Variants in UNC5C observed in about 807,000 individuals in gnomAD.
UNC5C encodes netrin receptor UNC5C.
In UNC5C, 47 loss-of-function variants were observed where a neutral mutation model predicts 99.8. The ratio of observed to expected loss-of-function variants is 0.47; its 90% confidence interval spans 0.37 to 0.60. The LOEUF is 0.60. UNC5C is among the 20% of genes least tolerant of loss of function. UNC5C has a pLI of 0.00. For synonymous variants in UNC5C, 487 were observed against 452.2 expected (o/e 1.08, Z -0.98); for missense variants, 1,062 against 1,165.9 (o/e 0.91, Z 1.30).
intron 14 of UNC5C, among the ~76,000 whole-genome samples, chr4:95,178,435 G>A (rs1179555740): frequency 6.8e-6 from 1 of 148,000 alleles, no homozygotes; most frequent in African/African-American, 2.5e-5. Flanking sequence ...GTATTTGTAG[G>A]TTACTGCCTT....
At chr4:95,201,704 C>T (rs931167780) in intron 12 of UNC5C, among the ~76,000 whole-genome samples, 6 of 151,838 alleles carry the variant, frequency 4.0e-5, no homozygotes, top group African/African-American at 7.3e-5. Flanking sequence ...CCCCAGTTCA[C>T]GCCATTCTCC....
intron 7 of UNC5C, among the ~76,000 whole-genome samples, chr4:95,224,741 A>C (rs1178779367): frequency 6.6e-6 from 1 of 152,218 alleles, no homozygotes; most frequent in African/African-American, 2.4e-5. Flanking sequence ...AAGCAAGTAA[A>C]CAAAATAATA....
At chr4:95,458,300 C>T (rs548727724) in intron 1 of UNC5C, among the ~76,000 whole-genome samples, 2 of 151,852 alleles carry the variant, frequency 1.3e-5, no homozygotes, top group African/African-American at 4.8e-5. Context: ...GAGATAAAAA[C>T]AGGGTTTGGA....
intron 7 of UNC5C, among the ~76,000 whole-genome samples, chr4:95,234,560 TA>T (rs1227557059): frequency 6.6e-6 from 1 of 152,194 alleles, no homozygotes; most frequent in Non-Finnish European, 1.5e-5. Flanking sequence ...TTTTAAAATG[TA>T]GTTTTGAAAA....
chr4:95,257,781 T>C (rs1239182930), intron 4 of UNC5C, among the ~76,000 whole-genome samples: 1 of 152,260 alleles, frequency 6.6e-6, no homozygotes, highest in East Asian at 1.9e-4. Flanking sequence ...CCCTGAGGAC[T>C]TCTGCTTCTT....
chr4:95,488,026 C>T (rs557243375), intron 1 of UNC5C, among the ~76,000 whole-genome samples: 8 of 151,808 alleles, frequency 5.3e-5, no homozygotes, highest in Admixed American at 4.6e-4. Context: ...ATAGGACTAA[C>T]GATAGTGATA....
chr4:95,543,880 C>T (rs903532807), intron 1 of UNC5C, among the ~76,000 whole-genome samples: 1 of 152,150 alleles, frequency 6.6e-6, no homozygotes, highest in Non-Finnish European at 1.5e-5. Context: ...GAGATTCCCA[C>T]AGGCTGTTCA....
chr4:95,397,425 A>C (rs1745547586), intron 1 of UNC5C, among the ~76,000 whole-genome samples: 1 of 152,198 alleles, frequency 6.6e-6, no homozygotes, highest in South Asian at 2.1e-4. Flanking sequence ...ATTAAAGAAA[A>C]GTTAGTAAGA....
intron 1 of UNC5C, among the ~76,000 whole-genome samples, chr4:95,422,475 T>TTGAGACATGTTTTTTTCTCTC (rs1560826991): frequency 2.6e-5 from 4 of 152,180 alleles, no homozygotes; most frequent in Non-Finnish European, 4.4e-5. Context: ...TTTTTTCTCT[T>TTGAGACATGTTTTTTTCTCTC]TGAGACATGT....
chr4:95,213,530 C>T (rs558033826), intron 10 of UNC5C, among the ~76,000 whole-genome samples: 3 of 152,326 alleles, frequency 2.0e-5, no homozygotes, highest in South Asian at 2.1e-4. Flanking sequence ...CCTGCACTTT[C>T]GCTTAGAGCA....
intron 1 of UNC5C, among the ~76,000 whole-genome samples, chr4:95,465,542 C>T (rs1454078671): frequency 6.6e-6 from 1 of 152,022 alleles, no homozygotes; most frequent in Non-Finnish European, 1.5e-5. Flanking sequence ...AGGAAGAAAG[C>T]CAAATAGTCT....
intron 3 of UNC5C, among the ~76,000 whole-genome samples, chr4:95,282,353 G>A (rs185512691): frequency 6.6e-6 from 1 of 152,286 alleles, no homozygotes; most frequent in African/African-American, 2.4e-5. Flanking sequence ...GAGTGACCGG[G>A]AGCAGAAACC....
rs150260822 is a variant in UNC5C at position 95,409,385 on chromosome 4, G to A, written c.125-73754C>T. Among the ~76,000 whole-genome samples the A allele has an allele frequency of 6.6e-3, 1,004 of 152,246 alleles. 12 individuals are homozygous for A. Among genetic ancestry groups the A allele is most frequent in the Admixed American group, 0.018 (271 of 15,302 alleles). ...AAACAGTTCAAGGGACTCAGGATAA[G>A]GTTAAAATGTCCACATTCTTAACTC... On this transcript the variant is annotated intron_variant, in intron 1 of 15. Transcript: ENST00000453304.
chr4:95,305,794 C>T (rs1472590621), intron 2 of UNC5C, among the ~76,000 whole-genome samples: 1 of 152,120 alleles, frequency 6.6e-6, no homozygotes, highest in African/African-American at 2.4e-5. Context: ...TATGAGTGTG[C>T]ACTTGTTAAT....
chr4:95,406,581 C>CA (rs908894296), intron 1 of UNC5C, among the ~76,000 whole-genome samples: 19 of 151,926 alleles, frequency 1.3e-4, no homozygotes, highest in South Asian at 2.1e-4. Flanking sequence ...CAGTACATGG[C>CA]AAAAAAATAG....
At chr4:95,466,919 G>A (rs531740437) in intron 1 of UNC5C, among the ~76,000 whole-genome samples, 1 of 152,244 alleles carries the variant, frequency 6.6e-6, no homozygotes, top group South Asian at 2.1e-4. Flanking sequence ...TACTAATGGT[G>A]TGCAGCTTTA....
chr4:95,184,105 AAG>A (rs1327516820), intron 13 of UNC5C, among the ~76,000 whole-genome samples: 6 of 152,232 alleles, frequency 3.9e-5, no homozygotes, highest in Non-Finnish European at 8.8e-5. Flanking sequence ...AAAGCAAAGA[AAG>A]AGGTATACTG....
chr4:95,315,784 A>G (rs1742453759), intron 2 of UNC5C, among the ~76,000 whole-genome samples: 1 of 152,202 alleles, frequency 6.6e-6, no homozygotes, highest in South Asian at 2.1e-4. Flanking sequence ...AAATTAACGG[A>G]TAGGAATATT....
chr4:95,225,608 C>T lies in UNC5C; in HGVS notation c.1109-5432G>A, dbSNP rs1358388805. ...AAATATTAAAAAAATTAAATATCGC[C>T]TCACTCTAAAATATTAAAATATTTA... On this transcript the variant is annotated intron_variant, in intron 7 of 15. Transcript: ENST00000453304. 2.0e-5 allele frequency among the ~76,000 whole-genome samples: 3 copies of T among 151,762 alleles called. No homozygotes were observed. The East Asian group carries it at 5.8e-4, about 29-fold the overall frequency.
Sources: allele counts gnomAD v4.1 joint callset (sites outside exome capture counted in the v4.1 genomes callset), GRCh38; gene constraint gnomAD v4.1.1; transcripts MANE v1.5; gene names NCBI Gene and HGNC (gene_info 2026-07-23, HGNC 2026-07-21).